CDH13: variants seen among roughly 807,000 people sequenced by gnomAD.
CDH13 encodes cadherin-13.
CDH13 carries 24 observed loss-of-function variants against 63.8 expected under a neutral mutation model. The observed-to-expected ratio is 0.38, with a 90% CI of 0.27 to 0.53. The LOEUF (loss-of-function observed/expected upper bound fraction) is 0.53. Among genes scored for constraint, CDH13 ranks in the 20% least tolerant of loss-of-function variants. The pLI, the probability that CDH13 is intolerant of heterozygous loss-of-function variation, is 0.85. For synonymous variants in CDH13, 503 were observed against 355.3 expected, an observed-to-expected ratio of 1.42 and a Z score of -4.67; for missense variants, 1,049 against 903.1, an observed-to-expected ratio of 1.16 and a Z score of -2.07.
Position 83,368,938 on chromosome 16 carries a change from A to ATATG in CDH13, c.781+23932_781+23933insTATG, listed in dbSNP as rs60900726. ...TATATATATATATATATATATATAT[A>ATATG]CTAGGTTTTTTTAATCTGTTCATTG... On this transcript the variant is annotated intron_variant, in intron 6 of 13. Transcript: ENST00000567109. 7.8e-3 allele frequency among the ~76,000 whole-genome samples: 431 copies of ATATG among 55,376 alleles called. 30 individuals carry two copies. The highest frequency in any genetic ancestry group is 0.012 in the Non-Finnish European group (371 of 29,836). The allele number at this position is 55,376 out of a possible 152,430, so 36.3% of individuals were successfully genotyped here. A position where few individuals can be genotyped will look rare whatever the true frequency, so the allele number is the denominator to read the frequency against.
At chr16:83,667,584 C>G (rs902628605) in intron 8 of CDH13, among the ~76,000 whole-genome samples, 1 of 152,100 alleles carries the variant, frequency 6.6e-6, no homozygotes. Context: ...TATCACAGTG[C>G]TAGGACCCTA....
At chr16:82,808,441 G>C (rs1438362418) in intron 1 of CDH13, among the ~76,000 whole-genome samples, 1 of 152,084 alleles carries the variant, frequency 6.6e-6, no homozygotes, top group African/African-American at 2.4e-5. Context: ...AATGCTTTCA[G>C]AGCTGAATCC....
chr16:83,267,165 C>T (rs1273648788), intron 5 of CDH13, among the ~76,000 whole-genome samples: 10 of 152,132 alleles, frequency 6.6e-5, no homozygotes. Context: ...GAAGCAAGTA[C>T]CAGAAAACCC....
At chr16:82,944,896 C>G (rs989965185) in intron 2 of CDH13, among the ~76,000 whole-genome samples, 3 of 152,032 alleles carry the variant, frequency 2.0e-5, no homozygotes, top group Admixed American at 6.6e-5. Context: ...ATAAATAACA[C>G]TCAATAAAGT....
intron 5 of CDH13, among the ~76,000 whole-genome samples, chr16:83,252,457 ATC>A (rs1905697444): frequency 6.6e-6 from 1 of 152,222 alleles, no homozygotes; most frequent in African/African-American, 2.4e-5. Context: ...AAACCATTAT[ATC>A]TTCCTTGTGC....
At chr16:83,010,572 T>C (rs1914048556) in intron 2 of CDH13, among the ~76,000 whole-genome samples, 1 of 152,228 alleles carries the variant, frequency 6.6e-6, no homozygotes, top group Non-Finnish European at 1.5e-5. Flanking sequence ...GCCCTTTTTC[T>C]TTCCTTTCCA....
intron 7 of CDH13, among the ~76,000 whole-genome samples, chr16:83,551,519 A>G (rs4513088): frequency 0.88 from 134,150 of 152,196 alleles, 59,650 homozygotes; most frequent in Non-Finnish European, 0.94. Context: ...GTCAGTGCTC[A>G]CATTGGTGCT....
chr16:82,687,837 T>C (rs1915235393), intron 1 of CDH13, among the ~76,000 whole-genome samples: 1 of 152,136 alleles, frequency 6.6e-6, no homozygotes, highest in South Asian at 2.1e-4. Context: ...CTTTTCAAAC[T>C]GGCTGTCCTC....
chr16:83,398,778 G>A (rs1427125767), intron 6 of CDH13, among the ~76,000 whole-genome samples: 2 of 152,206 alleles, frequency 1.3e-5, no homozygotes, highest in Non-Finnish European at 1.5e-5. Flanking sequence ...CTTTGAAATA[G>A]CACCTTTTCA....
chr16:83,051,987 T>C (rs1165164966), intron 3 of CDH13, among the ~76,000 whole-genome samples: 1 of 152,156 alleles, frequency 6.6e-6, no homozygotes, highest in African/African-American at 2.4e-5. Flanking sequence ...TCTCATGTCA[T>C]GTGGAAATGA....
chr16:83,742,564 G>A (rs1052113360), intron 10 of CDH13, among the ~76,000 whole-genome samples: 1 of 152,164 alleles, frequency 6.6e-6, no homozygotes, highest in Non-Finnish European at 1.5e-5. Context: ...TACACTGAAA[G>A]GTTTATTAAA....
At chr16:83,142,168 T>G (rs1017962219) in intron 4 of CDH13, among the ~76,000 whole-genome samples, 10 of 149,546 alleles carry the variant, frequency 6.7e-5, no homozygotes, top group South Asian at 2.1e-4. Flanking sequence ...TTGTTTTTTT[T>G]TTTTTTTTTT....
intron 1 of CDH13, among the ~76,000 whole-genome samples, chr16:82,812,931 G>A (rs2151183563): frequency 6.6e-6 from 1 of 152,114 alleles, no homozygotes; most frequent in South Asian, 2.1e-4. Flanking sequence ...GATTTATGAT[G>A]GCATAAAGCT....
intron 1 of CDH13, among the ~76,000 whole-genome samples, chr16:82,750,140 G>A (rs183220084): frequency 6.6e-6 from 1 of 152,252 alleles, no homozygotes; most frequent in African/African-American, 2.4e-5. Flanking sequence ...GGTGCTTTTG[G>A]AGGTTAACTC....
At chr16:82,812,041 T>G (rs2037470971) in intron 1 of CDH13, among the ~76,000 whole-genome samples, 1 of 152,122 alleles carries the variant, frequency 6.6e-6, no homozygotes, top group Non-Finnish European at 1.5e-5. Context: ...CGAAGGGATG[T>G]TATTCTTTGA....
At chr16:83,229,260 A>T (rs778251992) in intron 5 of CDH13, among the ~76,000 whole-genome samples, 3 of 152,210 alleles carry the variant, frequency 2.0e-5, no homozygotes, top group Non-Finnish European at 4.4e-5. Flanking sequence ...GCATTCATTT[A>T]TTGAGGCCCC....
At chr16:83,331,696 T>A (rs1394592064) in intron 5 of CDH13, among the ~76,000 whole-genome samples, 1 of 152,226 alleles carries the variant, frequency 6.6e-6, no homozygotes, top group African/African-American at 2.4e-5. Flanking sequence ...AATGCCTTTA[T>A]TTTTTAAAAA....
chr16:83,342,274 G>C (rs2090742683), intron 5 of CDH13, among the ~76,000 whole-genome samples: 1 of 152,140 alleles, frequency 6.6e-6, no homozygotes, highest in African/African-American at 2.4e-5. Context: ...CCTCATCTGT[G>C]ACTGAAATTA....
chr16:83,080,694 C>A (rs1309762292), intron 3 of CDH13, among the ~76,000 whole-genome samples: 1 of 151,966 alleles, frequency 6.6e-6, no homozygotes, highest in Non-Finnish European at 1.5e-5. Context: ...CAGTCTTGAT[C>A]AGAAACAAGT....
Sources: allele counts gnomAD v4.1 joint callset (sites outside exome capture counted in the v4.1 genomes callset), GRCh38; gene constraint gnomAD v4.1.1; transcripts MANE v1.5; gene names NCBI Gene and HGNC (gene_info 2026-07-23, HGNC 2026-07-21).